The following FERRY3 variants were observed in gnomAD, a reference collection of about 807,000 sequenced individuals.
FERRY3 encodes FERRY endosomal RAB5 effector complex subunit 3, also known as protein C12orf4.
the FERRY3 span, chr12:4,489,993 C>T: frequency 7.4e-6 from 6 of 808,456 alleles, no homozygotes; most frequent in East Asian, 2.8e-5. Context: ...CCTAGTTCTA[C>T]TAGGAATATG....
chr12:4,531,665 C>CCACTTT, the FERRY3 span, among the ~76,000 whole-genome samples: 1 of 152,222 alleles, frequency 6.6e-6, no homozygotes. Context: ...TTCTCCACCT[C>CCACTTT]CACTTTCAGG....
chr12:4,527,392 G>A, the FERRY3 span, among the ~76,000 whole-genome samples: 18 of 152,050 alleles, frequency 1.2e-4, no homozygotes, highest in African/African-American at 3.9e-4. Flanking sequence ...ATTTTATTAC[G>A]TCTCAGATGA....
the FERRY3 span, chr12:4,518,846 C>T: frequency 6.3e-7 from 1 of 1,590,722 alleles, no homozygotes; most frequent in Non-Finnish European, 8.6e-7. Flanking sequence ...TCTACAGATT[C>T]TCTGAACTGA....
At chr12:4,527,378 G>T in the FERRY3 span, among the ~76,000 whole-genome samples, 1 of 152,100 alleles carries the variant, frequency 6.6e-6, no homozygotes, top group Admixed American at 6.5e-5. Context: ...TAAGATAGAA[G>T]AAAATTTTAT....
chr12:4,536,860 G>A, the FERRY3 span, among the ~76,000 whole-genome samples: 1 of 152,138 alleles, frequency 6.6e-6, no homozygotes, highest in Non-Finnish European at 1.5e-5. Flanking sequence ...CCTTGTAACT[G>A]GACTTCCTAT....
At chr12:4,535,936 T>C in the FERRY3 span, 3 of 1,209,436 alleles carry the variant, frequency 2.5e-6, no homozygotes, top group Non-Finnish European at 3.3e-6. This position sits in a 1 kb window ranked among gnomAD's most constrained non-coding sequence, Gnocchi z 4.0. Flanking sequence ...CTTAGGTTTA[T>C]GCTTTCTAAT....
the FERRY3 span, among the ~76,000 whole-genome samples, chr12:4,499,898 T>C: frequency 6.6e-6 from 1 of 152,138 alleles, no homozygotes; most frequent in African/African-American, 2.4e-5. Context: ...CAAAGCTAAG[T>C]ATTATTTGGA....
At chr12:4,504,154 T>C in the FERRY3 span, among the ~76,000 whole-genome samples, 12 of 152,308 alleles carry the variant, frequency 7.9e-5, no homozygotes, top group African/African-American at 2.9e-4. Flanking sequence ...ACAAGATGAA[T>C]ACCAGCAATG....
chr12:4,520,976 C>T, the FERRY3 span, among the ~76,000 whole-genome samples: 1 of 152,132 alleles, frequency 6.6e-6, no homozygotes, highest in Non-Finnish European at 1.5e-5. Flanking sequence ...ACAACCTTCA[C>T]ATTAATATTG....
chr12:4,510,262 T>C, the FERRY3 span, among the ~76,000 whole-genome samples: 9 of 148,764 alleles, frequency 6.0e-5, no homozygotes, highest in Non-Finnish European at 7.4e-5. Flanking sequence ...ACCAAATCTA[T>C]GTCTGATTGG....
At chr12:4,529,819 T>C in the FERRY3 span, 1 of 1,429,126 alleles carries the variant, frequency 7.0e-7, no homozygotes, top group Non-Finnish European at 9.4e-7. Flanking sequence ...GCAGGCCATC[T>C]ATTTGACAAC....
At chr12:4,536,223 AC>A in the FERRY3 span, 3 of 1,473,612 alleles carry the variant, frequency 2.0e-6, no homozygotes, top group South Asian at 4.0e-5. Context: ...TACAGAACTA[AC>A]AAAAAAGCAG....
At chr12:4,510,928 A>G in the FERRY3 span, among the ~76,000 whole-genome samples, 1 of 152,190 alleles carries the variant, frequency 6.6e-6, no homozygotes, top group Non-Finnish European at 1.5e-5. Context: ...TTCTCCAATT[A>G]AAAGACACAG....
the FERRY3 span, among the ~76,000 whole-genome samples, chr12:4,510,569 G>A: frequency 6.7e-6 from 1 of 150,232 alleles, no homozygotes; most frequent in Non-Finnish European, 1.5e-5. Context: ...CTACAAGCCA[G>A]AAGAGAGTGG....
At chr12:4,517,231 A>G in the FERRY3 span, 2 of 1,474,086 alleles carry the variant, frequency 1.4e-6, no homozygotes, top group African/African-American at 1.4e-5. Flanking sequence ...AATGCGAACT[A>G]TCAAATATTT....
the FERRY3 span, chr12:4,502,170 T>C: frequency 3.4e-6 from 1 of 293,706 alleles, no homozygotes; most frequent in Non-Finnish European, 6.6e-6. The surrounding 1 kb of genome is among the most constrained non-coding windows in gnomAD (Gnocchi z 4.2). Flanking sequence ...CTTTACTCTT[T>C]CACCTTATTC....
the FERRY3 span, among the ~76,000 whole-genome samples, chr12:4,504,977 G>A: frequency 4.6e-5 from 7 of 152,122 alleles, no homozygotes; most frequent in Admixed American, 3.9e-4. Flanking sequence ...CGGTGGCGTG[G>A]GCCTGTAGTC....
the FERRY3 span, among the ~76,000 whole-genome samples, chr12:4,512,423 C>G: frequency 1.3e-5 from 2 of 152,380 alleles, no homozygotes; most frequent in East Asian, 3.9e-4. Flanking sequence ...CAAAGCCAGG[C>G]AGAGACACAA....
chr12:4,509,732 C>A, the FERRY3 span, among the ~76,000 whole-genome samples: 7 of 141,966 alleles, frequency 4.9e-5, no homozygotes, highest in African/African-American at 2.0e-4. Context: ...GACATCCACA[C>A]CAAAAACCCA....
Sources: gnomAD v4.1 joint callset for allele counts (sites outside exome capture counted in the v4.1 genomes callset) on GRCh38, gnomAD v4.1.1 for gene constraint, Gnocchi (gnomAD v3.1) non-coding constraint, MANE v1.5 for transcripts, NCBI Gene and HGNC (gene_info 2026-07-23, HGNC 2026-07-21) for gene names.